Variants in FBXW11 observed in about 807,000 individuals in gnomAD.
FBXW11 encodes F-box/WD repeat-containing protein 11.
Under a neutral mutation model 77.6 loss-of-function variants are expected in FBXW11, and 19 were observed. The ratio of observed to expected loss-of-function variants is 0.24; its 90% confidence interval spans 0.17 to 0.36. The LOEUF (loss-of-function observed/expected upper bound fraction) is 0.36, where lower values mean the gene tolerates loss of function less well. Ranked by LOEUF, FBXW11 falls within the 10% of genes least tolerant of loss-of-function variation. The pLI is 1.00. For synonymous variants in FBXW11, 235 were observed against 249.4 expected (o/e 0.94, Z 0.54); for missense variants, 334 against 704.2 (o/e 0.47, Z 5.95).
chr5:171,886,492 C>A (rs948232941), intron 7 of FBXW11, among the ~76,000 whole-genome samples: 1 of 151,890 alleles, frequency 6.6e-6, no homozygotes, highest in Non-Finnish European at 1.5e-5. Context: ...TTAATGGGTG[C>A]AGCACACCAA....
At chr5:172,000,487 T>C (rs537821673) in intron 1 of FBXW11, among the ~76,000 whole-genome samples, 96 of 152,350 alleles carry the variant, frequency 6.3e-4, no homozygotes, top group African/African-American at 5.1e-4. Flanking sequence ...CATGATTTCA[T>C]TGTTTTTCCC....
At chr5:171,994,170 A>T (rs1298699699) in intron 1 of FBXW11, among the ~76,000 whole-genome samples, 1 of 152,182 alleles carries the variant, frequency 6.6e-6, no homozygotes, top group African/African-American at 2.4e-5. Flanking sequence ...CCCCTTTATC[A>T]CTGGATGATA....
intron 11 of FBXW11, 121 bp downstream of exon 11, chr5:171,870,627 A>G: frequency 1.5e-6 from 1 of 674,208 alleles, no homozygotes; most frequent in Non-Finnish European, 2.6e-6. Flanking sequence ...AATACCTGCC[A>G]TCCACCATTA....
At chr5:171,995,212 G>A (rs974664893) in intron 1 of FBXW11, among the ~76,000 whole-genome samples, 2 of 152,122 alleles carry the variant, frequency 1.3e-5, no homozygotes, top group Admixed American at 1.3e-4. Flanking sequence ...GCCAAAAGAA[G>A]TCTACATAAT....
At chr5:171,910,336 G>A (rs1286775471) in intron 4 of FBXW11, among the ~76,000 whole-genome samples, 2 of 152,064 alleles carry the variant, frequency 1.3e-5, no homozygotes, top group Non-Finnish European at 2.9e-5. Flanking sequence ...AAAGTGCTGG[G>A]ATTACAGCTG....
chr5:171,894,374 C>T (rs1759594926), intron 6 of FBXW11, among the ~76,000 whole-genome samples: 1 of 152,214 alleles, frequency 6.6e-6, no homozygotes, highest in Non-Finnish European at 1.5e-5. Context: ...TAAGTTTCTG[C>T]ATTTTAAAAG....
chr5:171,953,668 T>C (rs1763468147), intron 2 of FBXW11, among the ~76,000 whole-genome samples: 1 of 152,186 alleles, frequency 6.6e-6, no homozygotes, highest in Non-Finnish European at 1.5e-5. Context: ...TATCTTTCTC[T>C]ACCTCATAAA....
intron 13 of FBXW11, among the ~76,000 whole-genome samples, chr5:171,866,992 T>C (rs910679921): frequency 1.3e-5 from 2 of 152,212 alleles, no homozygotes; most frequent in Non-Finnish European, 2.9e-5. Flanking sequence ...AGGTCACTCC[T>C]GCAAGGCAGA....
At chr5:171,916,922 G>T (rs1418094474) in intron 2 of FBXW11, among the ~76,000 whole-genome samples, 1 of 151,978 alleles carries the variant, frequency 6.6e-6, no homozygotes, top group East Asian at 1.9e-4. Context: ...GGGTTTTTTT[G>T]TTTTGTTTTG....
chr5:171,878,577 T>C (rs1581135277), intron 7 of FBXW11, among the ~76,000 whole-genome samples: 3 of 66,742 alleles, frequency 4.5e-5, no homozygotes, highest in Non-Finnish European at 1.1e-4. Flanking sequence ...TGTGTGTGTG[T>C]GTGTGTGTGT....
At chr5:171,913,776 G>A (rs895836577) in intron 3 of FBXW11, among the ~76,000 whole-genome samples, 1 of 150,212 alleles carries the variant, frequency 6.7e-6, no homozygotes, top group Non-Finnish European at 1.5e-5. Context: ...CCACCAAATC[G>A]TGAAACTTTG....
chr5:171,918,616 T>A (rs1168253883), intron 2 of FBXW11, among the ~76,000 whole-genome samples: 2 of 152,194 alleles, frequency 1.3e-5, no homozygotes, highest in African/African-American at 4.8e-5. Flanking sequence ...GCATCACACG[T>A]AAATAGATTA....
chr5:171,890,741 A>ATTT (rs1759293100), intron 7 of FBXW11, among the ~76,000 whole-genome samples: 1 of 152,196 alleles, frequency 6.6e-6, no homozygotes, highest in Non-Finnish European at 1.5e-5. Flanking sequence ...CAACAGGTGA[A>ATTT]TGGGTAAGCA....
At chr5:171,982,084 TA>T (rs1765177210) in intron 1 of FBXW11, among the ~76,000 whole-genome samples, 1 of 152,144 alleles carries the variant, frequency 6.6e-6, no homozygotes, top group African/African-American at 2.4e-5. Flanking sequence ...CATATCTTGA[TA>T]GCAGTAGTGG....
intron 6 of FBXW11, among the ~76,000 whole-genome samples, chr5:171,895,524 A>T (rs1261190732): frequency 6.6e-6 from 1 of 152,196 alleles, no homozygotes; most frequent in Non-Finnish European, 1.5e-5. Flanking sequence ...TCTGTCCAAG[A>T]AGAGCACTTC....
At chr5:171,890,083 G>C (rs549138007) in intron 7 of FBXW11, among the ~76,000 whole-genome samples, 8 of 152,104 alleles carry the variant, frequency 5.3e-5, no homozygotes, top group African/African-American at 1.7e-4. Context: ...ACAGAATATA[G>C]AGATGGCAGG....
intron 3 of FBXW11, among the ~76,000 whole-genome samples, chr5:171,911,338 G>C (rs959541166): frequency 6.6e-6 from 1 of 152,150 alleles, no homozygotes; most frequent in African/African-American, 2.4e-5. Flanking sequence ...TAGAGGTTTC[G>C]GTTTTATTAG....
At chr5:171,949,902 G>C (rs1763214841) in intron 2 of FBXW11, among the ~76,000 whole-genome samples, 1 of 152,086 alleles carries the variant, frequency 6.6e-6, no homozygotes, top group South Asian at 2.1e-4. Flanking sequence ...ATTTTACCCA[G>C]CTTCTCAAAA....
At chr5:171,900,131 G>C in intron 4 of FBXW11, 31 bp from the exon 5 acceptor site, 1 of 1,554,826 alleles carries the variant, frequency 6.4e-7, no homozygotes, top group Non-Finnish European at 8.8e-7. Context: ...TGAAGGAACG[G>C]GAAGAGAGAT....
Sources: allele counts gnomAD v4.1 joint callset (sites outside exome capture counted in the v4.1 genomes callset), GRCh38; gene constraint gnomAD v4.1.1; transcripts MANE v1.5; gene names NCBI Gene and HGNC (gene_info 2026-07-23, HGNC 2026-07-21).